Variants in SNED1 observed in about 807,000 individuals in gnomAD.
SNED1 encodes sushi, nidogen and EGF-like domain-containing protein 1.
In SNED1, 81 loss-of-function variants were observed where a neutral mutation model predicts 166.7. That is an observed-to-expected ratio of 0.49 (90% CI 0.41 to 0.58). The LOEUF is 0.58. Ranked by LOEUF, SNED1 falls within the 20% of genes least tolerant of loss-of-function variation. The pLI, the probability that SNED1 is intolerant of heterozygous loss-of-function variation, is 0.00. For missense variants in SNED1, 1,604 were observed against 2,000.2 expected, an observed-to-expected ratio of 0.80 and a Z score of 3.78; for synonymous variants, 762 against 822.0, an observed-to-expected ratio of 0.93 and a Z score of 1.25.
chr2:241,003,897 G>A lies in SNED1; in HGVS notation c.213+4847G>A, dbSNP rs143954909. 3.7e-4 allele frequency among the ~76,000 whole-genome samples: 57 copies of A among 152,378 alleles called. 1 individual carries two copies. The East Asian group carries it at 9.6e-3, about 26-fold the overall frequency. The stretch of plus-strand genomic sequence containing the variant: ...TGTAAAGGTGACCAAAAAAATGTTG[G>A]TTATCATTTATACTGCCCTCTGCCT... On this transcript the variant is annotated intron_variant, in intron 1 of 31. Transcript: ENST00000310397.
In SNED1 at chr2:241,065,306, C is replaced by T; in HGVS notation, c.2721C>T (p.Phe907=). ...YTGEDCAKEL[F]PPTALKMERV... is the part of the protein sequence containing the mutation. ...TTGACCCAAACCCTGAAGAGCTCTT[C>T]CCACCGACGGCCCTCAAGATGGAGA... The change falls in exon 21 of 32, where the codon TTC becomes TTT. Residue 907 remains phenylalanine, a synonymous_variant. Transcript: ENST00000310397. 5 of 1,612,682 alleles carry T rather than the reference C, an allele frequency of 3.1e-6. No individual in the cohort carries two copies. Among genetic ancestry groups the T allele is most frequent in the Non-Finnish European group, 4.2e-6 (5 of 1,179,818 alleles).
chr2:241,071,484 CTGAG>C, intron 24 of SNED1, 88 bp from the exon 25 acceptor site: 2 of 1,434,814 alleles, frequency 1.4e-6, no homozygotes, highest in Non-Finnish European at 9.5e-7. Context: ...CCAAGCACGG[CTGAG>C]TGTGAGGGGC....
chr2:241,021,549 G>A (rs2060774721), intron 1 of SNED1, among the ~76,000 whole-genome samples: 1 of 151,950 alleles, frequency 6.6e-6, no homozygotes, highest in African/African-American at 2.4e-5. Flanking sequence ...TAGTCTTTTG[G>A]GACTGGCTTC....
intron 15 of SNED1, 113 bp downstream of exon 15, chr2:241,052,581 G>A (rs7586215): frequency 3.4e-6 from 3 of 870,688 alleles, no homozygotes; most frequent in South Asian, 1.5e-5. Flanking sequence ...AGGTGAGAGG[G>A]CCAGGGGGCC....
intron 4 of SNED1, among the ~76,000 whole-genome samples, chr2:241,036,405 G>T (rs567595991): frequency 3.4e-4 from 52 of 152,256 alleles, no homozygotes; most frequent in African/African-American, 1.2e-3. Context: ...TCCCAGAAAC[G>T]CTGACATGAC....
At chr2:241,065,260 G>C in intron 20 of SNED1, 39 bp from the exon 21 acceptor site, 1 of 1,608,024 alleles carries the variant, frequency 6.2e-7, no homozygotes, top group South Asian at 1.1e-5. Flanking sequence ...GCTAACGGCT[G>C]ACCAGTCCCC....
chr2:241,085,006 G>A (rs1184259683), intron 29 of SNED1, among the ~76,000 whole-genome samples: 1 of 151,418 alleles, frequency 6.6e-6, no homozygotes, highest in Non-Finnish European at 1.5e-5. Context: ...TCTTACCTGT[G>A]TTACACTGTA....
chr2:241,042,893 G>C (rs767392768), intron 8 of SNED1, among the ~76,000 whole-genome samples: 2 of 152,176 alleles, frequency 1.3e-5, no homozygotes, highest in South Asian at 4.1e-4. Context: ...TAGGATCCAC[G>C]TATCTGGAGT....
At position 241,081,863 on chromosome 2, in the gene SNED1, C is replaced by A. The variant is rs966178742; in HGVS notation, c.4033+70C>A. 7 of 1,216,044 alleles carry A rather than the reference C, an allele frequency of 5.8e-6. No homozygotes were observed. The African/African-American group carries it at 1.1e-4, about 18-fold the overall frequency. 75.3% of individuals were successfully genotyped at this position (1,216,044 alleles called of 1,614,324 possible). On this transcript the variant is annotated intron_variant, in intron 28 of 31. Transcript: ENST00000310397. ...GTGCCTCAGCCTAGGACTGCTGGGC[C>A]ACAGCTGGGTTTGCCACGGGAGCCT...
rs140801042 is a variant in SNED1 at position 241,064,640 on chromosome 2, C to T, written c.2600-204C>T. Among the ~76,000 whole-genome samples, 291 of 152,286 alleles carry T rather than the reference C, an allele frequency of 1.9e-3. No individual in the cohort carries two copies. The highest frequency in any genetic ancestry group is 6.8e-3 in the African/African-American group (283 of 41,544). ...TCAGCCAGTCCGGCTGGTGGCACTC[C>T]GCTGTGGAGGGTGGAGGAGCTGCTG... On this transcript the variant is annotated intron_variant, in intron 19 of 31. Transcript: ENST00000310397. This position sits in a 1 kb window ranked among gnomAD's most constrained non-coding sequence, Gnocchi z 7.0.
chr2:241,007,329 C>A (rs975828727), intron 1 of SNED1, among the ~76,000 whole-genome samples: 1 of 152,238 alleles, frequency 6.6e-6, no homozygotes, highest in Non-Finnish European at 1.5e-5. Flanking sequence ...CAGCTCCCCA[C>A]AGAAACTTGG....
intron 15 of SNED1, 110 bp from the exon 16 acceptor site, chr2:241,053,043 G>A: frequency 9.6e-7 from 1 of 1,044,962 alleles, no homozygotes; most frequent in Non-Finnish European, 1.4e-6. Flanking sequence ...GAAGGGCAGT[G>A]TGGGAGCAGG....
At chr2:241,003,155 C>T (rs557530175) in intron 1 of SNED1, among the ~76,000 whole-genome samples, 25 of 151,674 alleles carry the variant, frequency 1.6e-4, no homozygotes, top group African/African-American at 5.3e-4. Flanking sequence ...TCCCCCAGCC[C>T]CACCCTCTGT....
At position 241,051,504 on chromosome 2, in the gene SNED1, A is replaced by G. The variant is rs1481513793; in HGVS notation, c.1736-240A>G. On this transcript the variant is annotated intron_variant, in intron 12 of 31. Transcript: ENST00000310397. The surrounding 1 kb of genome is among the most constrained non-coding windows in gnomAD (Gnocchi z 4.7). ...AGCCATTGCCAGAGCCTGGGCAGAAAAGAGGACAGGCAAGCAAAGGGCCCA... is the reference window on the plus strand; with the variant it reads ...AGCCATTGCCAGAGCCTGGGCAGAAGAGAGGACAGGCAAGCAAAGGGCCCA... 4.9e-6 allele frequency: 2 copies of G among 405,486 alleles called. No individual in the cohort carries two copies. Among genetic ancestry groups the G allele is most frequent in the Non-Finnish European group, 8.7e-6 (2 of 229,022 alleles). The allele number at this position is 405,486 out of a possible 1,614,324, so 25.1% of individuals were successfully genotyped here.
intron 21 of SNED1, among the ~76,000 whole-genome samples, chr2:241,066,461 C>A (rs1215893952): frequency 6.6e-6 from 1 of 152,178 alleles, no homozygotes; most frequent in Non-Finnish European, 1.5e-5. Flanking sequence ...GATCTCGGAA[C>A]AGGCTGGGCA....
intron 8 of SNED1, among the ~76,000 whole-genome samples, chr2:241,047,156 A>AAG (rs2061673445): frequency 9.3e-6 from 1 of 107,390 alleles, no homozygotes; most frequent in Non-Finnish European, 1.9e-5. Context: ...CAAAAAAAAA[A>AAG]AAAAAAAAAA....
rs78419445 is a variant in SNED1 at position 241,040,145 on chromosome 2, G to T, written c.1116G>T (p.Val372=). ...GQCQVENGSA[V]CVCQAGYTGA... is the part of the protein sequence containing the mutation. The stretch of plus-strand genomic sequence containing the variant: ...GCCAGGTGGAGAATGGCTCTGCGGT[G>T]TGTGTGTGCCAGGCCGGATACACCG... Residue 372 remains valine (V), a synonymous_variant, in exon 7 of 32, where the codon GTG becomes GTT. Transcript: ENST00000310397. The T allele has an allele frequency of 6.2e-7, 1 of 1,602,652 alleles. No individual in the cohort carries two copies. The highest frequency in any genetic ancestry group is 8.5e-7 in the Non-Finnish European group (1 of 1,174,720).
At chr2:241,079,208 C>T (rs1005734447) in intron 27 of SNED1, among the ~76,000 whole-genome samples, 1 of 150,260 alleles carries the variant, frequency 6.7e-6, no homozygotes, top group South Asian at 2.1e-4. Flanking sequence ...TTCAGGAGAT[C>T]GAGACCATCC....
intron 31 of SNED1, among the ~76,000 whole-genome samples, chr2:241,089,628 G>A (rs1021282530): frequency 6.6e-6 from 1 of 152,124 alleles, no homozygotes; most frequent in Non-Finnish European, 1.5e-5. Context: ...TGACTCGAGG[G>A]AATCACTTCC....
Sources: gnomAD v4.1 joint callset for allele counts (sites outside exome capture counted in the v4.1 genomes callset) on GRCh38, gnomAD v4.1.1 for gene constraint, Gnocchi (gnomAD v3.1) non-coding constraint, MANE v1.5 for transcripts, NCBI Gene and HGNC (gene_info 2026-07-23, HGNC 2026-07-21) for gene names.